SNX8: variants seen among roughly 807,000 people sequenced by gnomAD.
SNX8 encodes sorting nexin 8.
A neutral mutation model predicts 51.6 loss-of-function variants in SNX8; 25 were observed. That is an observed-to-expected ratio of 0.48 (90% CI 0.35 to 0.68). The LOEUF (loss-of-function observed/expected upper bound fraction) is 0.68, where lower values mean the gene tolerates loss of function less well. Ranked by LOEUF, SNX8 falls within the 30% of genes least tolerant of loss-of-function variation. The probability of loss-of-function intolerance (pLI) is 0.00; values close to 1 mark genes in which losing one functional copy is unlikely to be tolerated. For missense variants in SNX8, 695 were observed against 624.0 expected (o/e 1.11, Z -1.21); for synonymous variants, 324 against 277.0 (o/e 1.17, Z -1.68).
intron 1 of SNX8, among the ~76,000 whole-genome samples, chr7:2,341,706 G>A (rs757967205): frequency 2.0e-5 from 3 of 151,658 alleles, no homozygotes; most frequent in African/African-American, 7.3e-5. Context: ...AACAAGCATC[G>A]GCCACGCGCA....
intron 5 of SNX8, among the ~76,000 whole-genome samples, chr7:2,264,802 A>C (rs1433325398): frequency 6.6e-6 from 1 of 151,994 alleles, no homozygotes; most frequent in East Asian, 1.9e-4. Flanking sequence ...TTGGAGGCTG[A>C]GGCAGGTGGA....
At chr7:2,318,846 TAAA>T (rs58345834), upstream of SNX8, among the ~76,000 whole-genome samples, 5 of 131,428 alleles carry the variant, frequency 3.8e-5, no homozygotes, top group Non-Finnish European at 3.3e-5. Context: ...ACCCCATCTC[TAAA>T]AAAAAAAAAA....
At chr7:2,271,006 C>T (rs766341305) in intron 4 of SNX8, among the ~76,000 whole-genome samples, 33 of 152,234 alleles carry the variant, frequency 2.2e-4, no homozygotes, top group Admixed American at 5.9e-4. Context: ...GGGCTGGCAG[C>T]TGCTTCCTCC....
intron 1 of SNX8, among the ~76,000 whole-genome samples, chr7:2,313,623 G>T (rs975385829): frequency 6.6e-6 from 1 of 152,146 alleles, no homozygotes; most frequent in African/African-American, 2.4e-5. Context: ...AGCACTTTGG[G>T]AGGCCAAGGC....
chr7:2,268,511 C>A (rs1230934533), intron 5 of SNX8, among the ~76,000 whole-genome samples: 1 of 144,708 alleles, frequency 6.9e-6, no homozygotes, highest in Non-Finnish European at 1.5e-5. Context: ...GGGGGTCAGC[C>A]CCCCCGCCCG....
At chr7:2,327,615 G>A (rs957995714) in intron 1 of SNX8, among the ~76,000 whole-genome samples, 1 of 151,772 alleles carries the variant, frequency 6.6e-6, no homozygotes, top group Non-Finnish European at 1.5e-5. Flanking sequence ...CACTGTGTTA[G>A]CCAGGATGGT....
intron 1 of SNX8, among the ~76,000 whole-genome samples, chr7:2,311,186 CAGG>C (rs767805557): frequency 3.3e-5 from 5 of 152,160 alleles, no homozygotes; most frequent in Non-Finnish European, 5.9e-5. Context: ...ACCGAAGATG[CAGG>C]AGATTTCACA....
chr7:2,262,305 G>A (rs185734222), intron 7 of SNX8, among the ~76,000 whole-genome samples: 261 of 152,292 alleles, frequency 1.7e-3, no homozygotes, highest in Non-Finnish European at 6.6e-4. Context: ...CTCCCAAAGC[G>A]CTGGGATGAT....
intron 1 of SNX8, among the ~76,000 whole-genome samples, chr7:2,353,250 G>A (rs904777156): frequency 2.7e-4 from 41 of 152,048 alleles, no homozygotes; most frequent in African/African-American, 9.9e-4. Flanking sequence ...CCTGCGCGGT[G>A]GTTCACGCTT....
intron 1 of SNX8, chr7:2,288,167 A>AC (rs1480938596): frequency 1.3e-5 from 2 of 151,770 alleles, no homozygotes; most frequent in African/African-American, 4.8e-5. Context: ...CCATGGTGAA[A>AC]CCCCCATCTC....
chr7:2,294,670 G>A (rs1278936155), intron 1 of SNX8, among the ~76,000 whole-genome samples: 3 of 152,180 alleles, frequency 2.0e-5, no homozygotes, highest in Non-Finnish European at 4.4e-5. Context: ...GCAGGAGCAG[G>A]AGCTGGAGCC....
Position 2,261,235 on chromosome 7 carries a change from C to T in SNX8, c.915+1995G>A, listed in dbSNP as rs549921837. 5.9e-5 allele frequency among the ~76,000 whole-genome samples: 9 copies of T among 152,310 alleles called. No individual in the cohort carries two copies. In the East Asian group the frequency reaches 1.7e-3, roughly 29 times the overall value. ...ATCACTTGAGGTCAGGAGTTTGAGA[C>T]CAGCCCGGCCAACACGGTGAAACCC... On this transcript the variant is annotated intron_variant, in intron 7 of 10. Transcript: ENST00000222990.
intron 1 of SNX8, among the ~76,000 whole-genome samples, chr7:2,347,187 A>G (rs1779047922): frequency 6.6e-6 from 1 of 151,996 alleles, no homozygotes; most frequent in South Asian, 2.1e-4. Context: ...AACAATAATA[A>G]TAAGAGCCTT....
At chr7:2,322,807 A>C (rs967048276) in intron 1 of SNX8, among the ~76,000 whole-genome samples, 2 of 152,024 alleles carry the variant, frequency 1.3e-5, no homozygotes, top group East Asian at 3.9e-4. Context: ...ACCTGTGGCC[A>C]GGAGTTCAAG....
chr7:2,309,888 G>T (rs1437055269), intron 1 of SNX8: 7 of 470,840 alleles, frequency 1.5e-5, no homozygotes, highest in Non-Finnish European at 2.2e-5. Context: ...GGAAGGCTCG[G>T]GGCAGGGGTG....
At chr7:2,339,368 G>C (rs1387123940) in intron 1 of SNX8, among the ~76,000 whole-genome samples, 1 of 151,496 alleles carries the variant, frequency 6.6e-6, no homozygotes, top group African/African-American at 2.4e-5. Flanking sequence ...ACCACGCCCA[G>C]CTAATTTTTT....
Position 2,267,694 on chromosome 7 carries a change from T to C in SNX8, c.621+1865A>G, listed in dbSNP as rs1402635473. Among the ~76,000 whole-genome samples, 5 of 149,252 alleles carry C rather than the reference T, an allele frequency of 3.4e-5. No individual in the cohort carries two copies. In the Admixed American group the frequency reaches 3.4e-4, roughly 10 times the overall value. Reference sequence around the variant, plus strand: ...CACCTCCCAGCCGCCTGCCTTGGCCTCCCAAAGTGCCGAGACTGCAGCCTC... The same window carrying C: ...CACCTCCCAGCCGCCTGCCTTGGCCCCCCAAAGTGCCGAGACTGCAGCCTC... On this transcript the variant is annotated intron_variant, in intron 5 of 10. Coordinates refer to ENST00000222990, the MANE Select transcript of SNX8 (RefSeq NM_013321.4).
At position 2,351,558 on chromosome 7, in the gene SNX8, C is replaced by T. The variant is rs184378681; in HGVS notation, c.-66+2664G>A. 3.5e-3 allele frequency among the ~76,000 whole-genome samples: 530 copies of T among 150,392 alleles called. 2 individuals carry two copies. Among genetic ancestry groups the T allele is most frequent in the African/African-American group, 0.011 (463 of 40,870 alleles). On this transcript the variant is annotated intron_variant, in intron 1 of 5. Coordinates refer to the SNX8 transcript ENST00000435336. ...TGTTAAAAAATAATAATAGGCCAGG[C>T]GCAGTGGCTCACGCCTGTAATCCCA...
At chr7:2,256,180 G>A (rs1351509721) in intron 10 of SNX8, among the ~76,000 whole-genome samples, 1 of 152,044 alleles carries the variant, frequency 6.6e-6, no homozygotes, top group African/African-American at 2.4e-5. Flanking sequence ...CGCCTCTCCA[G>A]CCCCACCACG....
Sources: gnomAD v4.1 joint callset for allele counts (sites outside exome capture counted in the v4.1 genomes callset) on GRCh38, gnomAD v4.1.1 for gene constraint, MANE v1.5 for transcripts, NCBI Gene and HGNC (gene_info 2026-07-23, HGNC 2026-07-21) for gene names.